Variants in DNAH10 observed in about 807,000 individuals in gnomAD.
The protein encoded by DNAH10 is axonemal beta dynein heavy chain 10.
In DNAH10, 348 loss-of-function variants were observed where a neutral mutation model predicts 506.6. The ratio of observed to expected loss-of-function variants is 0.69; its 90% CI spans 0.63 to 0.75. The LOEUF (loss-of-function observed/expected upper bound fraction) is 0.75, where lower values mean the gene tolerates loss of function less well. DNAH10 is among the 30% of genes least tolerant of loss of function. The pLI, the probability that DNAH10 is intolerant of heterozygous loss-of-function variation, is 0.00. For synonymous variants in DNAH10, 2,059 were observed against 2,198.6 expected (o/e 0.94, Z 1.78); for missense variants, 5,179 against 5,787.1 (o/e 0.89, Z 3.41).
At position 123,913,239 on chromosome 12, in the gene DNAH10, G is replaced by A; in HGVS notation, c.10276G>A (p.Glu3426Lys). ...AAILEKQKLQ[E>K]EAEIMERRLI... ...CATACTGGAAAAGCAGAAGCTGCAG[G>A]AAGAAGCCGAGATCATGGAGAGGCG... The change falls in exon 60 of 79, where the codon GAA becomes AAA. Residue 3426 changes from glutamate (E) to lysine (K), a missense_variant. Glu to Lys is a moderately conservative substitution (Grantham distance 56). Transcript: ENST00000673944. This position sits in a 1 kb window ranked among gnomAD's most constrained non-coding sequence, Gnocchi z 5.1. The A allele has an allele frequency of 6.2e-7, 1 of 1,609,356 alleles. No individual in the cohort carries two copies. Among genetic ancestry groups the A allele is most frequent in the Non-Finnish European group, 8.5e-7 (1 of 1,178,016 alleles).
At chr12:123,811,655 C>A (rs1958938554) in intron 19 of DNAH10, among the ~76,000 whole-genome samples, 1 of 152,140 alleles carries the variant, frequency 6.6e-6, no homozygotes, top group Admixed American at 6.6e-5. Flanking sequence ...AGCCCACCAC[C>A]ACGCCTGGCT....
chr12:123,856,844 C>T (rs985751011), intron 36 of DNAH10, among the ~76,000 whole-genome samples: 1 of 147,610 alleles, frequency 6.8e-6, no homozygotes, highest in Non-Finnish European at 1.5e-5. Context: ...AAATTAATTT[C>T]TGTAATTTAA....
Position 123,917,453 on chromosome 12 carries a change from G to C in DNAH10, c.11003-131G>C. The stretch of plus-strand genomic sequence containing the variant: ...CTTGCTGCTCTAGAGTGACTTTGGT[G>C]GGCAGTGAATCCTCGTGCCTCTGGC... On this transcript the variant is annotated intron_variant, in intron 63 of 78. Coordinates refer to ENST00000673944, the MANE Select transcript of DNAH10 (RefSeq NM_001372106.1). This position sits in a 1 kb window ranked among gnomAD's most constrained non-coding sequence, Gnocchi z 5.6. The C allele has an allele frequency of 1.2e-6, 1 of 841,202 alleles. No individual in the cohort carries two copies. The highest frequency in any genetic ancestry group is 1.8e-6 in the Non-Finnish European group (1 of 542,034). The allele number at this position is 841,202 out of a possible 1,614,324, so 52.1% of individuals were successfully genotyped here.
Position 123,794,068 on chromosome 12 carries a change from A to G in DNAH10, c.1942A>G (p.Met648Val), listed in dbSNP as rs1958186031. 7.8e-7 allele frequency: 1 copy of G among 1,283,236 alleles called. No homozygotes were observed. 79.5% of individuals were successfully genotyped at this position (1,283,236 alleles called of 1,614,324 possible). Residue 648 changes from methionine (M) to valine (V), a missense_variant, in exon 12 of 79, where the codon ATG (methionine) becomes GTG (valine). By Grantham distance (21) the Met-to-Val change is conservative (BLOSUM62 1). Coordinates refer to ENST00000673944, the MANE Select transcript of DNAH10 (RefSeq NM_001372106.1). ...TTCACGGGAGGCTGTTAATCGACAA[A>G]TGATGATGAAATTTAATGATATTCT... is the stretch of plus-strand genomic sequence containing the variant. ...IRSREAVNRQ[M>V]MMKFNDILAQ...
rs1955042566 is a variant in DNAH10, at chr12:123,928,452, C to T, written c.12171C>T (p.His4057=). The T allele has an allele frequency of 4.3e-6, 7 of 1,609,522 alleles. No homozygotes were observed. The highest frequency in any genetic ancestry group is 1.7e-5 in the Admixed American group (1 of 59,472). The change falls in exon 70 of 79, where the codon CAC becomes CAT. Residue 4057 remains histidine, a synonymous_variant. Transcript: ENST00000673944. The surrounding 1 kb of genome is among the most constrained non-coding windows in gnomAD (Gnocchi z 4.9). ...AGTGGCTGATGCTGCAGAACTGCCA[C>T]CTCCTGGTCAAGTGGCTGAAAGATC... The part of the protein sequence containing the change: ...RGQWLMLQNC[H]LLVKWLKDLE...
chr12:123,864,879 C>T (rs1336988785), intron 40 of DNAH10, 149 bp downstream of exon 40: 2 of 1,026,310 alleles, frequency 1.9e-6, no homozygotes, highest in South Asian at 1.8e-5. Context: ...TTGTTCTTTA[C>T]TCCTCTCATC....
At chr12:123,864,024 C>T (rs537384690) in intron 39 of DNAH10, among the ~76,000 whole-genome samples, 3 of 152,220 alleles carry the variant, frequency 2.0e-5, no homozygotes, top group South Asian at 2.1e-4. Context: ...ATTGTTCCCA[C>T]GAAGGAATCC....
At chr12:123,869,627 A>G (rs1358122086) in intron 43 of DNAH10, among the ~76,000 whole-genome samples, 1 of 152,192 alleles carries the variant, frequency 6.6e-6, no homozygotes. Context: ...TGAAAAGCCT[A>G]TAGCTCCTGT....
chr12:123,874,229 T>A (rs1340140382), intron 46 of DNAH10, among the ~76,000 whole-genome samples: 1 of 152,118 alleles, frequency 6.6e-6, no homozygotes, highest in South Asian at 2.1e-4. Flanking sequence ...GAAAGTCTAT[T>A]TCCAGAAGGA....
intron 2 of DNAH10, among the ~76,000 whole-genome samples, chr12:123,769,736 G>A (rs1318510281): frequency 6.6e-6 from 1 of 151,820 alleles, no homozygotes; most frequent in African/African-American, 2.4e-5. Flanking sequence ...TTTCTATGTG[G>A]CATTAAGTAC....
chr12:123,861,253 A>G, intron 39 of DNAH10, 83 bp downstream of exon 39: 4 of 1,483,206 alleles, frequency 2.7e-6, no homozygotes, highest in Non-Finnish European at 3.6e-6. Flanking sequence ...AGGACTATAC[A>G]TTGTAGCTTC....
rs774321846 is a variant in DNAH10, at chr12:123,903,155, C to T, written c.9815+42C>T. On this transcript the variant is annotated intron_variant, in intron 57 of 78. Transcript: ENST00000673944. This position sits in a 1 kb window ranked among gnomAD's most constrained non-coding sequence, Gnocchi z 4.6. ...ACCATTCTGGGCTTCCATTCCACCT[C>T]TGCAAGCCAGTAGTCTCCATGATCG... 2.6e-6 allele frequency: 4 copies of T among 1,559,450 alleles called. No homozygotes were observed. Among genetic ancestry groups the T allele is most frequent in the Non-Finnish European group, 3.5e-6 (4 of 1,153,830 alleles).
rs1185701072 is a variant in DNAH10 at position 123,879,798 on chromosome 12, C to G, written c.8631C>G (p.Phe2877Leu). The change falls in exon 50 of 79, where the codon TTC becomes TTG. Residue 2877 changes from phenylalanine to leucine, a missense_variant. Physicochemically the swap from Phe to Leu is conservative, Grantham distance 22. Transcript: ENST00000673944. ...ACTACGAGGCGGCCAAGGCTCTGTT[C>G]CAGGTGGGGATGAGCCCCACCCTGT... is the stretch of plus-strand genomic sequence containing the variant. ...IQDYEAAKAL[F>L]QEILEEYNES... is the part of the protein sequence containing the mutation. 1 of 1,613,662 alleles carries G rather than the reference C, an allele frequency of 6.2e-7. No homozygotes were observed. The highest frequency in any genetic ancestry group is 8.5e-7 in the Non-Finnish European group (1 of 1,179,740).
chr12:123,861,629 T>C (rs1482500450), intron 39 of DNAH10, among the ~76,000 whole-genome samples: 1 of 152,242 alleles, frequency 6.6e-6, no homozygotes, highest in Non-Finnish European at 1.5e-5. Flanking sequence ...TGGTTGATGG[T>C]GCCCTGATGA....
At chr12:123,935,253 G>C (rs1181074235) in intron 78 of DNAH10, 82 bp from the exon 79 acceptor site, 4 of 1,538,946 alleles carry the variant, frequency 2.6e-6, no homozygotes, top group Admixed American at 1.7e-5. Context: ...GCCCCTGCCT[G>C]TCAAGACTTA....
At chr12:123,811,947 A>G (rs1404408410) in intron 19 of DNAH10, among the ~76,000 whole-genome samples, 1 of 152,138 alleles carries the variant, frequency 6.6e-6, no homozygotes, top group Non-Finnish European at 1.5e-5. Context: ...TAGTGTTAGT[A>G]TTACTGTTAT....
In DNAH10 at chr12:123,918,726, G is replaced by A. The variant is rs374650479; in HGVS notation, c.11283G>A (p.Arg3761=). 1.6e-5 allele frequency: 25 copies of A among 1,596,146 alleles called. No homozygotes were observed. In the African/African-American group the frequency reaches 3.2e-4, roughly 21 times the overall value. Residue 3761 remains arginine, a synonymous_variant, in exon 65 of 79, where the codon AGG becomes AGA. Transcript: ENST00000673944. ...AGAAGACAGCCTTGGACATCGACAGGCTGCGGGATGGCTACCGGCCAGCAG... is the reference window on the plus strand; with the variant it reads ...AGAAGACAGCCTTGGACATCGACAGACTGCGGGATGGCTACCGGCCAGCAG... ...LAEKTALDID[R]LRDGYRPAAR...
intron 51 of DNAH10, among the ~76,000 whole-genome samples, chr12:123,886,576 T>C (rs1952743157): frequency 6.6e-6 from 1 of 151,858 alleles, no homozygotes; most frequent in Admixed American, 6.6e-5. Context: ...CATGTGGGAA[T>C]GACTGTGTGA....
chr12:123,838,742 C>T lies in DNAH10; in HGVS notation c.5136+53C>T, dbSNP rs867908804. ...CCCGTGTAAGCCTTAGAACCGCCTT[C>T]GGTCCTCCCTGGTTCCCTTTGCCAT... On this transcript the variant is annotated intron_variant, in intron 29 of 78. Transcript: ENST00000673944. 2.1e-5 allele frequency: 32 copies of T among 1,510,672 alleles called. No homozygotes were observed. The Middle Eastern group carries it at 8.7e-4, about 41-fold the overall frequency. The allele number at this position is 1,510,672 out of a possible 1,614,324, so 93.6% of individuals were successfully genotyped here.
Sources: allele counts gnomAD v4.1 joint callset (sites outside exome capture counted in the v4.1 genomes callset), GRCh38; gene constraint gnomAD v4.1.1; non-coding constraint Gnocchi (gnomAD v3.1); transcripts MANE v1.5; gene names NCBI Gene and HGNC (gene_info 2026-07-23, HGNC 2026-07-21).